The following MED27 variants were observed in gnomAD, a reference collection of about 807,000 sequenced individuals.
The protein encoded by MED27 is mediator complex subunit 27, also known as mediator of RNA polymerase II transcription subunit 27.
MED27 carries 30 observed loss-of-function variants against 38.2 expected under a neutral mutation model. That is an observed-to-expected ratio of 0.79 (90% confidence interval 0.59 to 1.07). The LOEUF is 1.07. MED27 is among the 50% of genes least tolerant of loss of function. The pLI, the probability that MED27 is intolerant of heterozygous loss-of-function variation, is 0.00. For synonymous variants in MED27, 122 were observed against 153.5 expected (o/e 0.79, Z 1.52); for missense variants, 289 against 397.5 (o/e 0.73, Z 2.32).
At chr9:132,056,835 A>C (rs1466537937) in intron 2 of MED27, among the ~76,000 whole-genome samples, 1 of 152,220 alleles carries the variant, frequency 6.6e-6, no homozygotes, top group African/African-American at 2.4e-5. Flanking sequence ...AGCTGGCTCC[A>C]GATGCTCTCT....
Position 132,079,622 on chromosome 9 carries a change from C to G in MED27, c.203+20G>C, listed in dbSNP as rs995383422. 2 of 1,611,836 alleles carry G rather than the reference C, an allele frequency of 1.2e-6. No individual in the cohort carries two copies. Among genetic ancestry groups the G allele is most frequent in the African/African-American group, 2.7e-5 (2 of 74,850 alleles). On this transcript the variant is annotated intron_variant, in intron 1 of 7. Coordinates refer to ENST00000292035, the MANE Select transcript of MED27 (RefSeq NM_004269.4). Reference sequence around the variant, plus strand: ...GAGCGGGGCCGGTCCCCGACCCCGGCCCCTTCAGCCGGTACCTACTTGAGG... The same window carrying G: ...GAGCGGGGCCGGTCCCCGACCCCGGGCCCTTCAGCCGGTACCTACTTGAGG...
chr9:131,899,186 G>T (rs920755098), intron 4 of MED27, among the ~76,000 whole-genome samples: 1 of 152,216 alleles, frequency 6.6e-6, no homozygotes, highest in Admixed American at 6.5e-5. Context: ...GCCAGTTAAC[G>T]TCAAAGCTGG....
chr9:131,972,417 G>A (rs1831499538), intron 3 of MED27, among the ~76,000 whole-genome samples: 1 of 152,096 alleles, frequency 6.6e-6, no homozygotes, highest in Non-Finnish European at 1.5e-5. Context: ...GATGGACAAA[G>A]CAAAGAAATA....
At chr9:131,867,641 C>T (rs1439044171) in intron 6 of MED27, among the ~76,000 whole-genome samples, 2 of 152,242 alleles carry the variant, frequency 1.3e-5, no homozygotes, top group African/African-American at 2.4e-5. Context: ...ACCAGCGGTG[C>T]TGGCACCATC....
At chr9:132,048,535 T>G (rs972741622) in intron 2 of MED27, among the ~76,000 whole-genome samples, 2 of 152,198 alleles carry the variant, frequency 1.3e-5, no homozygotes, top group African/African-American at 4.8e-5. Flanking sequence ...ACGCCACTAG[T>G]AACTAAACTG....
chr9:132,073,149 G>C (rs1444225220), intron 2 of MED27, among the ~76,000 whole-genome samples: 1 of 151,980 alleles, frequency 6.6e-6, no homozygotes, highest in Non-Finnish European at 1.5e-5. Flanking sequence ...CTTATCATTG[G>C]TTCACCCAAT....
At chr9:132,050,260 G>A (rs1374564121) in intron 2 of MED27, among the ~76,000 whole-genome samples, 1 of 152,156 alleles carries the variant, frequency 6.6e-6, no homozygotes, top group Non-Finnish European at 1.5e-5. Flanking sequence ...TGAACAAAAG[G>A]GAAATCTGAA....
At chr9:131,939,349 A>G (rs1830742257) in intron 4 of MED27, 32 bp downstream of exon 4, 2 of 1,488,592 alleles carry the variant, frequency 1.3e-6, no homozygotes, top group Non-Finnish European at 1.8e-6. Flanking sequence ...TTTTCCCCCA[A>G]CATCCCTACA....
At chr9:132,014,955 T>A (rs903719524) in intron 2 of MED27, among the ~76,000 whole-genome samples, 13 of 152,246 alleles carry the variant, frequency 8.5e-5, no homozygotes, top group Non-Finnish European at 1.5e-4. Context: ...CGTAATTTTT[T>A]AATAAGAAAA....
At chr9:131,916,075 A>G (rs1485410027) in intron 4 of MED27, among the ~76,000 whole-genome samples, 1 of 152,246 alleles carries the variant, frequency 6.6e-6, no homozygotes, top group Non-Finnish European at 1.5e-5. Flanking sequence ...TAATTTTTTA[A>G]TTCAATCGCC....
At chr9:132,078,259 A>G (rs374793599) in intron 1 of MED27, among the ~76,000 whole-genome samples, 10 of 152,252 alleles carry the variant, frequency 6.6e-5, no homozygotes, top group African/African-American at 2.2e-4. Context: ...CTCTCTAGGA[A>G]CAGCTTCTTA....
chr9:132,079,187 G>C (rs1834119654), intron 1 of MED27, among the ~76,000 whole-genome samples: 1 of 152,154 alleles, frequency 6.6e-6, no homozygotes, highest in Admixed American at 6.5e-5. Context: ...TGGTGGAACT[G>C]ATGAAGTCCA....
chr9:131,909,772 T>C (rs1830154691), intron 4 of MED27, among the ~76,000 whole-genome samples: 1 of 152,220 alleles, frequency 6.6e-6, no homozygotes, highest in Non-Finnish European at 1.5e-5. Context: ...CAAACAACAC[T>C]GTTTGGGTTC....
At chr9:131,940,187 G>C (rs1046455554) in intron 3 of MED27, among the ~76,000 whole-genome samples, 8 of 152,006 alleles carry the variant, frequency 5.3e-5, no homozygotes, top group Non-Finnish European at 7.4e-5. Flanking sequence ...TTATAAGCAT[G>C]AGCCACTGTG....
rs1226048351 is a variant in MED27 at position 131,889,631 on chromosome 9, GT to G, written c.681+4253del. 6.6e-6 allele frequency among the ~76,000 whole-genome samples: 1 copy of G among 152,154 alleles called. No homozygotes were observed. Among genetic ancestry groups the G allele is most frequent in the Non-Finnish European group, 1.5e-5 (1 of 68,034 alleles). On this transcript the variant is annotated intron_variant, in intron 5 of 7. Coordinates refer to ENST00000292035, the MANE Select transcript of MED27 (RefSeq NM_004269.4). The surrounding 1 kb of genome is among the most constrained non-coding windows in gnomAD (Gnocchi z 4.2). ...GGATGCTAGGGTCATGGCGGTGGTT[GT>G]TAGAGCAAAGTGCAAAGTGCAAAGT...
chr9:131,873,443 G>C (rs1016110869), intron 6 of MED27, among the ~76,000 whole-genome samples: 2 of 152,202 alleles, frequency 1.3e-5, no homozygotes, highest in Non-Finnish European at 2.9e-5. Context: ...AAGTACAGTA[G>C]AGCGGAAGCA....
At chr9:132,047,922 G>C (rs146649343) in intron 2 of MED27, among the ~76,000 whole-genome samples, 2 of 152,014 alleles carry the variant, frequency 1.3e-5, no homozygotes, top group African/African-American at 4.8e-5. Flanking sequence ...AAATGCTGAT[G>C]GTGTTTAAAG....
chr9:131,963,813 G>A lies in MED27; in HGVS notation c.480-24339C>T, dbSNP rs560322816. On this transcript the variant is annotated intron_variant, in intron 3 of 7. Coordinates refer to ENST00000292035, the MANE Select transcript of MED27 (RefSeq NM_004269.4). ...GCTCCTAGCTGTTGTTAGTATGTGC[G>A]CTGCATGTTTCCAAATTCGTTACCC... Among the ~76,000 whole-genome samples, 62 of 152,176 alleles carry A rather than the reference G, an allele frequency of 4.1e-4. 1 individual carries two copies. The South Asian group carries it at 8.5e-3, about 21-fold the overall frequency.
intron 2 of MED27, among the ~76,000 whole-genome samples, chr9:132,027,576 C>T (rs1176899765): frequency 6.6e-6 from 1 of 152,238 alleles, no homozygotes; most frequent in East Asian, 1.9e-4. Context: ...AGTACACAGC[C>T]ATAATTCCCT....
Sources: allele counts gnomAD v4.1 joint callset (sites outside exome capture counted in the v4.1 genomes callset), GRCh38; gene constraint gnomAD v4.1.1; non-coding constraint Gnocchi (gnomAD v3.1); transcripts MANE v1.5; gene names NCBI Gene and HGNC (gene_info 2026-07-23, HGNC 2026-07-21).